TEKTIP1: variants seen among roughly 807,000 people sequenced by gnomAD.
TEKTIP1 encodes the protein tektin bundle-interacting protein 1.
chr19:3,543,617 GC>G, the TEKTIP1 span: 1 of 1,544,674 alleles, frequency 6.5e-7, no homozygotes. Flanking sequence ...CCAGTACCAG[GC>G]CCCCAGCACC....
the TEKTIP1 span, among the ~76,000 whole-genome samples, chr19:3,540,672 G>C: frequency 1.3e-5 from 2 of 150,716 alleles, no homozygotes; most frequent in South Asian, 2.1e-4. Context: ...CTGAAGTCAG[G>C]AGTTCGAGAC....
chr19:3,543,766 G>A, the TEKTIP1 span: 2 of 1,490,180 alleles, frequency 1.3e-6, no homozygotes, highest in Non-Finnish European at 1.8e-6. Context: ...GGCGATCCAG[G>A]AGCCCCTTGC....
the TEKTIP1 span, chr19:3,543,207 TCA>T: frequency 1.3e-6 from 2 of 1,535,276 alleles, no homozygotes; most frequent in African/African-American, 1.4e-5. Context: ...AGACATGGGC[TCA>T]GTCTCTGCCC....
the TEKTIP1 span, chr19:3,542,796 G>A: frequency 7.3e-7 from 1 of 1,370,396 alleles, no homozygotes; most frequent in African/African-American, 1.5e-5. Flanking sequence ...GGGTCCCCCA[G>A]TCTTCCCTGG....
the TEKTIP1 span, chr19:3,543,808 T>A: frequency 6.6e-7 from 1 of 1,504,916 alleles, no homozygotes; most frequent in Non-Finnish European, 8.9e-7. Context: ...GGGCACATGG[T>A]GACCCGAGTC....
the TEKTIP1 span, chr19:3,543,479 T>TGC: frequency 7.2e-7 from 1 of 1,391,566 alleles, no homozygotes; most frequent in Admixed American, 2.2e-5. Context: ...ATCGGGTGAG[T>TGC]GCCCCCCCCC....
the TEKTIP1 span, chr19:3,543,682 TGAGGCTAGGTGCAGGGTGGGTCCTTGG>T: frequency 1.3e-6 from 2 of 1,532,358 alleles, no homozygotes; most frequent in African/African-American, 1.4e-5. Context: ...AGGAATACGG[TGAGGCTAGGTGCAGGGTGGGTCCTTGG>T]GAGGCCAGGG....
At chr19:3,542,800 T>A in the TEKTIP1 span, 1 of 1,371,020 alleles carries the variant, frequency 7.3e-7, no homozygotes, top group South Asian at 1.1e-5. Flanking sequence ...CCCCCAGTCT[T>A]CCCTGGGCCA....
the TEKTIP1 span, chr19:3,543,487 C>CT: frequency 6.6e-7 from 1 of 1,519,424 alleles, no homozygotes. Context: ...AGTGCCCCCC[C>CT]CCCCGCCCTG....
At chr19:3,541,714 C>T in the TEKTIP1 span, 35 of 985,350 alleles carry the variant, frequency 3.6e-5, 1 homozygote, top group South Asian at 4.7e-4. Context: ...GTACCACCTG[C>T]TCCTGGGAGG....
chr19:3,541,262 G>A, the TEKTIP1 span, among the ~76,000 whole-genome samples: 1 of 151,842 alleles, frequency 6.6e-6, no homozygotes, highest in Admixed American at 6.6e-5. Flanking sequence ...CTTGAGCCTA[G>A]GAGGTCAAGG....
the TEKTIP1 span, chr19:3,543,371 G>A: frequency 2.1e-5 from 33 of 1,549,180 alleles, no homozygotes; most frequent in Non-Finnish European, 2.7e-5. Context: ...GGACGCCTGG[G>A]AAGCCTGGTA....
chr19:3,543,507 C>A, the TEKTIP1 span: 5 of 1,263,270 alleles, frequency 4.0e-6, no homozygotes, highest in African/African-American at 1.7e-5. Context: ...GGGCAGCGGG[C>A]CTGCCAGAGG....
chr19:3,543,191 C>G, the TEKTIP1 span: 4 of 1,529,018 alleles, frequency 2.6e-6, no homozygotes, highest in Admixed American at 3.9e-5. Context: ...TCAAAGCACT[C>G]GCTGTAGACA....
the TEKTIP1 span, chr19:3,542,614 C>T: frequency 1.3e-6 from 1 of 751,316 alleles, no homozygotes; most frequent in South Asian, 6.0e-5. Flanking sequence ...GCTGGGATTA[C>T]AGGTGCCCCC....
the TEKTIP1 span, chr19:3,542,963 T>C: frequency 6.5e-7 from 1 of 1,532,822 alleles, no homozygotes; most frequent in Non-Finnish European, 8.9e-7. Flanking sequence ...CTCCCTCTTC[T>C]CCAGGCAAGA....
chr19:3,543,623 A>G, the TEKTIP1 span: 26 of 1,544,700 alleles, frequency 1.7e-5, no homozygotes, highest in East Asian at 6.1e-4. Flanking sequence ...CCAGGCCCCC[A>G]GCACCCGGTG....
At chr19:3,543,083 A>T in the TEKTIP1 span, 3 of 1,571,450 alleles carry the variant, frequency 1.9e-6, no homozygotes, top group Non-Finnish European at 1.7e-6. Flanking sequence ...GGTGAGGGGT[A>T]CAGGGCTGAA....
chr19:3,543,588 A>C, the TEKTIP1 span: 1 of 1,540,762 alleles, frequency 6.5e-7, no homozygotes, highest in Non-Finnish European at 8.7e-7. Context: ...ACCGCCTGGC[A>C]TGACCCCATC....
Sources: allele counts gnomAD v4.1 joint callset (sites outside exome capture counted in the v4.1 genomes callset), GRCh38; gene constraint gnomAD v4.1.1; transcripts MANE v1.5; gene names NCBI Gene and HGNC (gene_info 2026-07-23, HGNC 2026-07-21).